Variants in TMTC2 observed in about 807,000 individuals in gnomAD.
TMTC2 encodes protein O-mannosyl-transferase TMTC2.
In TMTC2, 43 loss-of-function variants were observed where a neutral mutation model predicts 82.4. The observed-to-expected ratio is 0.52, with a 90% CI of 0.41 to 0.67. TMTC2 has a LOEUF of 0.67. Ranked by LOEUF, TMTC2 falls within the 30% of genes least tolerant of loss-of-function variation. The probability of loss-of-function intolerance (pLI) is 0.00; values close to 1 mark genes in which losing one functional copy is unlikely to be tolerated. For missense variants in TMTC2, 919 were observed against 1,012.4 expected (o/e 0.91, Z 1.25); for synonymous variants, 408 against 381.9 (o/e 1.07, Z -0.80).
intron 7 of TMTC2, among the ~76,000 whole-genome samples, chr12:82,978,371 A>G (rs974176724): frequency 2.6e-5 from 4 of 151,736 alleles, no homozygotes; most frequent in Non-Finnish European, 5.9e-5. Context: ...AAAACTGAGG[A>G]CCTTTAAAAT....
At chr12:83,006,089 C>T (rs1880189273) in intron 8 of TMTC2, among the ~76,000 whole-genome samples, 1 of 152,152 alleles carries the variant, frequency 6.6e-6, no homozygotes, top group Non-Finnish European at 1.5e-5. Flanking sequence ...TCTTGTGCAG[C>T]CAGGATCCCA....
At chr12:82,895,112 C>T (rs150171821) in intron 2 of TMTC2, among the ~76,000 whole-genome samples, 5 of 151,876 alleles carry the variant, frequency 3.3e-5, no homozygotes, top group South Asian at 2.1e-4. Context: ...CCACTGTGCC[C>T]GGCCTAAAGT....
intron 11 of TMTC2, among the ~76,000 whole-genome samples, chr12:83,116,412 C>G (rs554524906): frequency 6.6e-6 from 1 of 152,322 alleles, no homozygotes; most frequent in East Asian, 1.9e-4. Context: ...GTGCAAGTAT[C>G]TTTTCCATAT....
At chr12:82,866,794 T>A (rs534497233) in intron 2 of TMTC2, among the ~76,000 whole-genome samples, 140 of 152,334 alleles carry the variant, frequency 9.2e-4, no homozygotes, top group African/African-American at 3.1e-3. Flanking sequence ...TTATTGTTGA[T>A]TTATCGAATG....
At chr12:83,024,380 A>T (rs1347885922) in intron 8 of TMTC2, among the ~76,000 whole-genome samples, 8 of 152,232 alleles carry the variant, frequency 5.3e-5, no homozygotes, top group Admixed American at 5.2e-4. Flanking sequence ...CAAACTACAC[A>T]TAAGCTTTTG....
chr12:82,857,534 T>C lies in TMTC2; in HGVS notation c.608T>C (p.Val203Ala). 1 of 1,613,150 alleles carries C rather than the reference T, an allele frequency of 6.2e-7. No individual in the cohort carries two copies. The highest frequency in any genetic ancestry group is 8.5e-7 in the Non-Finnish European group (1 of 1,179,764). Residue 203 changes from valine (V) to alanine (A), a missense_variant, in exon 2 of 12, where the codon GTC (valine) becomes GCC (alanine). Coordinates refer to ENST00000321196, the MANE Select transcript of TMTC2 (RefSeq NM_152588.3). Reference protein sequence around the residue: ...LAVSAVYDVFVFHRLKIKQIL... With the variant: ...LAVSAVYDVFAFHRLKIKQIL... ...GTTTCAGCAGTTTATGATGTCTTTG[T>C]CTTTCACAGGCTGAAAATAAAACAG...
At chr12:82,737,121 A>G in intron 1 of TMTC2, among the ~76,000 whole-genome samples, 1 of 152,214 alleles carries the variant, frequency 6.6e-6, no homozygotes, top group Non-Finnish European at 1.5e-5. Flanking sequence ...AACTATAAGC[A>G]TTAAATGAGC....
chr12:83,088,399 A>C (rs1450079695), intron 11 of TMTC2, among the ~76,000 whole-genome samples: 1 of 152,190 alleles, frequency 6.6e-6, no homozygotes, highest in Non-Finnish European at 1.5e-5. Context: ...TTTGCTAACT[A>C]TTTGATACAG....
At chr12:82,852,649 CAGCAGA>C (rs1451217045) in intron 1 of TMTC2, among the ~76,000 whole-genome samples, 1 of 152,130 alleles carries the variant, frequency 6.6e-6, no homozygotes, top group East Asian at 1.9e-4. Context: ...AGCTGTGAAA[CAGCAGA>C]AGAGGTTTTA....
chr12:83,111,202 A>G (rs1374582648), intron 11 of TMTC2, among the ~76,000 whole-genome samples: 1 of 152,194 alleles, frequency 6.6e-6, no homozygotes, highest in Non-Finnish European at 1.5e-5. Context: ...TGTGCAACTC[A>G]CTTTCTCACT....
At chr12:83,085,394 G>A (rs972674686) in intron 11 of TMTC2, among the ~76,000 whole-genome samples, 4 of 152,104 alleles carry the variant, frequency 2.6e-5, no homozygotes, top group Non-Finnish European at 5.9e-5. Flanking sequence ...TGCAGTCAGA[G>A]ACAGTTTTCA....
At chr12:82,985,500 T>C (rs537597194) in intron 7 of TMTC2, among the ~76,000 whole-genome samples, 1 of 152,346 alleles carries the variant, frequency 6.6e-6, no homozygotes, top group South Asian at 2.1e-4. Context: ...TTTTTTCTTA[T>C]AGTTCCTTTA....
intron 9 of TMTC2, 63 bp downstream of exon 9, chr12:83,030,942 C>A: frequency 1.6e-6 from 2 of 1,223,760 alleles, no homozygotes; most frequent in Non-Finnish European, 2.4e-6. Flanking sequence ...GATATGAGAT[C>A]TAGGCTTTGC....
chr12:82,842,490 A>G (rs1870394806), intron 1 of TMTC2, among the ~76,000 whole-genome samples: 2 of 152,232 alleles, frequency 1.3e-5, no homozygotes, highest in Admixed American at 6.5e-5. Flanking sequence ...CATAGTATAT[A>G]TTGTAGAAAT....
rs958728799 is a variant in TMTC2 at position 82,901,549 on chromosome 12, G to A, written c.1483+4903G>A. Among the ~76,000 whole-genome samples the A allele has an allele frequency of 5.3e-5, 8 of 151,540 alleles. No individual in the cohort carries two copies. The South Asian group carries it at 6.2e-4, about 12-fold the overall frequency. On this transcript the variant is annotated intron_variant, in intron 3 of 11. Coordinates refer to ENST00000321196, the MANE Select transcript of TMTC2 (RefSeq NM_152588.3). ...AAACTCCTGACCTCGTGATCCACCC[G>A]CCTCGGCCTCCCAAAGTGCTGGGAT...
intron 11 of TMTC2, among the ~76,000 whole-genome samples, chr12:83,073,892 T>C (rs1883197421): frequency 6.6e-6 from 1 of 152,174 alleles, no homozygotes; most frequent in Non-Finnish European, 1.5e-5. Flanking sequence ...TTATATCAGT[T>C]TTTGGATTTC....
chr12:82,799,718 T>G (rs1878903037), intron 1 of TMTC2, among the ~76,000 whole-genome samples: 2 of 152,168 alleles, frequency 1.3e-5, no homozygotes, highest in African/African-American at 4.8e-5. Context: ...TCTGCATGTG[T>G]GTCTGTGTCC....
intron 7 of TMTC2, among the ~76,000 whole-genome samples, chr12:82,980,131 A>G (rs969133129): frequency 6.6e-6 from 1 of 151,788 alleles, no homozygotes. Flanking sequence ...GTGCTGGGTC[A>G]TAATTATGAA....
intron 10 of TMTC2, among the ~76,000 whole-genome samples, chr12:83,054,857 G>A (rs1882482603): frequency 1.3e-5 from 2 of 152,090 alleles, no homozygotes. Context: ...CAAAATCAAT[G>A]AAAATGGTTT....
Sources: gnomAD v4.1 joint callset for allele counts (sites outside exome capture counted in the v4.1 genomes callset) on GRCh38, gnomAD v4.1.1 for gene constraint, MANE v1.5 for transcripts, NCBI Gene and HGNC (gene_info 2026-07-23, HGNC 2026-07-21) for gene names.